GJA3: variants seen among roughly 807,000 people sequenced by gnomAD.
GJA3 encodes gap junction alpha-3 protein.
For missense variants in GJA3, 571 were observed against 620.3 expected, an observed-to-expected ratio of 0.92 and a Z score of 0.84; for synonymous variants, 297 against 292.6, an observed-to-expected ratio of 1.02 and a Z score of -0.15.
intron 1 of GJA3, among the ~76,000 whole-genome samples, chr13:20,157,095 T>C (rs1958910882): frequency 2.0e-5 from 3 of 152,260 alleles, no homozygotes; most frequent in Non-Finnish European, 4.4e-5. Flanking sequence ...GATGTGTTAA[T>C]GTATTTCCTT....
intron 1 of GJA3, among the ~76,000 whole-genome samples, chr13:20,155,771 T>C (rs1297457273): frequency 6.6e-6 from 1 of 151,928 alleles, no homozygotes; most frequent in Non-Finnish European, 1.5e-5. Flanking sequence ...CAATAGATAA[T>C]GAAGATTTTA....
Position 20,142,188 on chromosome 13 carries a change from C to T in GJA3, c.1101G>A (p.Glu367=). ...SSSPPLAHEA[E]AGAAPLLLDG... ...CCAGCAGCAGGGGCGCCGCGCCCGC[C>T]TCAGCCTCGTGCGCGAGTGGCGGGG... The change falls in exon 2 of 2, where the codon GAG becomes GAA. Residue 367 remains glutamate (E), a synonymous_variant. Transcript: ENST00000241125. The T allele has an allele frequency of 5.9e-6, 9 of 1,518,860 alleles. No individual in the cohort carries two copies. Among genetic ancestry groups the T allele is most frequent in the Non-Finnish European group, 7.9e-6 (9 of 1,135,656 alleles). 94.1% of individuals were successfully genotyped at this position (1,518,860 alleles called of 1,614,324 possible).
chr13:20,146,040 C>T (rs552068379), intron 1 of GJA3, among the ~76,000 whole-genome samples: 7 of 152,312 alleles, frequency 4.6e-5, no homozygotes, highest in South Asian at 4.1e-4. Flanking sequence ...CCCTGTCTAC[C>T]GGCAGAGTAG....
chr13:20,142,638 G>A lies in GJA3; in HGVS notation c.651C>T (p.Leu217=). The change falls in exon 2 of 2, where the codon CTC becomes CTT. Residue 217 remains leucine, a synonymous_variant. Coordinates refer to ENST00000241125, the MANE Select transcript of GJA3 (RefSeq NM_021954.4). ...CCAGGTGGTAGATCTCCAGCATGTT[G>A]AGCAGCAGGGACGCGCAGGCCACCG... is the stretch of plus-strand genomic sequence containing the variant. ...MLAVACASLL[L]NMLEIYHLGW... is the part of the protein sequence containing the mutation. 1 of 1,613,470 alleles carries A rather than the reference G, an allele frequency of 6.2e-7. No individual in the cohort carries two copies. The highest frequency in any genetic ancestry group is 8.5e-7 in the Non-Finnish European group (1 of 1,179,916).
rs372338836 is a variant in GJA3, at chr13:20,143,127, G to A, written c.162C>T (p.Cys54=). 10 of 1,613,414 alleles carry A rather than the reference G, an allele frequency of 6.2e-6. No homozygotes were observed. In the African/African-American group the frequency reaches 8.0e-5, roughly 13 times the overall value. ...VWGDEQSDFT[C]NTQQPGCENV... is the part of the protein sequence containing the mutation. Reference sequence around the variant, plus strand: ...TCTCGCAGCCCGGCTGCTGGGTGTTGCAGGTGAAGTCTGACTGCTCATCGC... The same window carrying A: ...TCTCGCAGCCCGGCTGCTGGGTGTTACAGGTGAAGTCTGACTGCTCATCGC... Residue 54 remains cysteine, a synonymous_variant, in exon 2 of 2, where the codon TGC becomes TGT. Transcript: ENST00000241125.
rs1958808338 is a variant in GJA3, at chr13:20,141,781, C to T, written c.*200G>A. Reference sequence around the variant, plus strand: ...CAAACTCAGAAAGTGGGAGTTATCCCCACTGTAACTCACAGTGCTAAGAAC... The same window carrying T: ...CAAACTCAGAAAGTGGGAGTTATCCTCACTGTAACTCACAGTGCTAAGAAC... On this transcript the variant is annotated 3_prime_UTR_variant, in exon 2 of 2. Transcript: ENST00000241125. 2.7e-6 allele frequency: 2 copies of T among 740,250 alleles called. No homozygotes were observed. The highest frequency in any genetic ancestry group is 4.5e-5 in the South Asian group (2 of 44,564). 45.9% of individuals were successfully genotyped at this position (740,250 alleles called of 1,614,324 possible).
At chr13:20,151,122 C>T (rs552888747) in intron 1 of GJA3, among the ~76,000 whole-genome samples, 6 of 69,130 alleles carry the variant, frequency 8.7e-5, no homozygotes, top group South Asian at 1.2e-3. Context: ...GAGGGTGGGG[C>T]GGGAGCAAGG....
chr13:20,141,966 G>A lies in GJA3; in HGVS notation c.*15C>T. ...AAGATCACTACACAGCTGTCTGGAG[G>A]CAGGCACCCGGGCACTAGATGGCCA... On this transcript the variant is annotated 3_prime_UTR_variant, in exon 2 of 2. Transcript: ENST00000241125. 6.5e-7 allele frequency: 1 copy of A among 1,550,082 alleles called. No individual in the cohort carries two copies. Among genetic ancestry groups the A allele is most frequent in the South Asian group, 1.2e-5 (1 of 84,028 alleles).
At chr13:20,150,727 G>A (rs968367784) in intron 1 of GJA3, among the ~76,000 whole-genome samples, 1 of 152,230 alleles carries the variant, frequency 6.6e-6, no homozygotes, top group African/African-American at 2.4e-5. Context: ...CTGAGGCCCC[G>A]CAGAGCCTGG....
chr13:20,145,027 A>C (rs1049760557), intron 1 of GJA3, among the ~76,000 whole-genome samples: 3 of 152,112 alleles, frequency 2.0e-5, no homozygotes, highest in African/African-American at 7.2e-5. Flanking sequence ...CTAATAATAC[A>C]TAAGTTAGCC....
At chr13:20,160,197 G>C (rs1566520899) in intron 1 of GJA3, among the ~76,000 whole-genome samples, 1 of 152,194 alleles carries the variant, frequency 6.6e-6, no homozygotes, top group Non-Finnish European at 1.5e-5. Flanking sequence ...TCTCCTACGG[G>C]AAGGGGCTCG....
In GJA3 at chr13:20,152,244, A is replaced by G. The variant is rs1593338499; in HGVS notation, c.-18+8646T>C. On this transcript the variant is annotated intron_variant, in intron 1 of 1. Transcript: ENST00000241125. The stretch of plus-strand genomic sequence containing the variant: ...GGGGTCTAACAGCATCCAGAGGGTG[A>G]GCACAGATGGGCCGGGCACCTGCAG... Among the ~76,000 whole-genome samples the G allele has an allele frequency of 1.3e-5, 2 of 152,246 alleles. 1 individual carries two copies. The highest frequency in any genetic ancestry group is 3.9e-4 in the East Asian group (2 of 5,180).
At position 20,139,596 on chromosome 13, in the gene GJA3, A is replaced by G. The variant is rs1445756548; in HGVS notation, c.*2385T>C. 6.6e-6 allele frequency: 1 copy of G among 152,240 alleles called. No individual in the cohort carries two copies. The highest frequency in any genetic ancestry group is 1.5e-5 in the Non-Finnish European group (1 of 68,046). The allele number at this position is 152,240 out of a possible 1,614,324, so 9.4% of individuals were successfully genotyped here. A position where few individuals can be genotyped will look rare whatever the true frequency, so the allele number is the denominator to read the frequency against. On this transcript the variant is annotated 3_prime_UTR_variant, in exon 2 of 2. Transcript: ENST00000241125. ...AACTGAAATCAGTATGCTAACCTGA[A>G]AAAACACCACAGGCACTGTTCTATT...
rs752013600 is a variant in GJA3, at chr13:20,143,166, C to G, written c.123G>C (p.Ala41=). The change falls in exon 2 of 2, where the codon GCG becomes GCC. Residue 41 remains alanine, a synonymous_variant. Coordinates refer to ENST00000241125, the MANE Select transcript of GJA3 (RefSeq NM_021954.4). ...IFRILVLGAA[A]EDVWGDEQSD... The stretch of plus-strand genomic sequence containing the variant: ...ACTGCTCATCGCCCCACACGTCCTC[C>G]GCCGCGGCCCCCAGCACCAAGATGC... 10 of 1,606,638 alleles carry G rather than the reference C, an allele frequency of 6.2e-6. No homozygotes were observed. The highest frequency in any genetic ancestry group is 8.5e-6 in the Non-Finnish European group (10 of 1,175,284).
chr13:20,155,362 T>C (rs1309776804), intron 1 of GJA3, among the ~76,000 whole-genome samples: 1 of 150,978 alleles, frequency 6.6e-6, no homozygotes, highest in Non-Finnish European at 1.5e-5. Flanking sequence ...GACTAATGTC[T>C]TTTTTTTTAG....
At chr13:20,146,674 C>A (rs1398544724) in intron 1 of GJA3, among the ~76,000 whole-genome samples, 1 of 152,222 alleles carries the variant, frequency 6.6e-6, no homozygotes. Flanking sequence ...TTGTAGCACA[C>A]CAGGGATCTG....
chr13:20,139,156 A>G lies in GJA3; in HGVS notation c.*2825T>C, dbSNP rs1365301761. The G allele has an allele frequency of 6.6e-6, 1 of 152,196 alleles. No individual in the cohort carries two copies. Among genetic ancestry groups the G allele is most frequent in the Non-Finnish European group, 1.5e-5 (1 of 68,034 alleles). The allele number at this position is 152,196 out of a possible 1,614,324, so 9.4% of individuals were successfully genotyped here. A position where few individuals can be genotyped will look rare whatever the true frequency, so the allele number is the denominator to read the frequency against. ...GTGATAATATAAGTAATAGTTTTAG[A>G]ATTTAAAAAATGATTTTTGGTACTG... On this transcript the variant is annotated 3_prime_UTR_variant, in exon 2 of 2. Transcript: ENST00000241125.
At chr13:20,152,688 C>T (rs1007504694) in intron 1 of GJA3, among the ~76,000 whole-genome samples, 1 of 152,162 alleles carries the variant, frequency 6.6e-6, no homozygotes, top group African/African-American at 2.4e-5. Context: ...TCTATACTGA[C>T]AATTTACAAC....
rs781521365 is a variant in GJA3, at chr13:20,141,242, G to C, written c.*739C>G. 3 of 152,184 alleles carry C rather than the reference G, an allele frequency of 2.0e-5. No individual in the cohort carries two copies. Among genetic ancestry groups the C allele is most frequent in the Non-Finnish European group, 4.4e-5 (3 of 68,042 alleles). 9.4% of individuals were successfully genotyped at this position (152,184 alleles called of 1,614,324 possible). On this transcript the variant is annotated 3_prime_UTR_variant, in exon 2 of 2. Coordinates refer to ENST00000241125, the MANE Select transcript of GJA3 (RefSeq NM_021954.4). ...GAAAATAAATACCTACGGCATACCC[G>C]ACACACTTTTATGTCAATTTCCTCA...
Sources: allele counts gnomAD v4.1 joint callset (sites outside exome capture counted in the v4.1 genomes callset), GRCh38; gene constraint gnomAD v4.1.1; transcripts MANE v1.5; gene names NCBI Gene and HGNC (gene_info 2026-07-23, HGNC 2026-07-21).